TECRL: variants seen among roughly 807,000 people sequenced by gnomAD.
TECRL encodes trans-2,3-enoyl-CoA reductase like, also known as trans-2,3-enoyl-CoA reductase-like.
Under a neutral mutation model 52.8 loss-of-function variants are expected in TECRL, and 63 were observed. That is an observed-to-expected ratio of 1.19 (90% CI 0.97 to 1.47). The LOEUF (loss-of-function observed/expected upper bound fraction) is 1.47, where lower values mean the gene tolerates loss of function less well. Ranked by LOEUF, TECRL falls within the 40% of genes most tolerant of loss-of-function variation. TECRL has a pLI of 0.00. For synonymous variants in TECRL, 164 were observed against 141.9 expected (o/e 1.16, Z -1.10); for missense variants, 482 against 429.6 (o/e 1.12, Z -1.08).
At position 64,280,213 on chromosome 4, in the gene TECRL, G is replaced by T. The variant is rs773008336; in HGVS notation, c.965-14C>A. The T allele has an allele frequency of 7.5e-6, 11 of 1,464,980 alleles. No individual in the cohort carries two copies. The East Asian group carries it at 2.2e-4, about 29-fold the overall frequency. 90.7% of individuals were successfully genotyped at this position (1,464,980 alleles called of 1,614,324 possible). ...TAAAAATTCCAACTAGAAGAAAAAA[G>T]AAATAATTATTATTTCTTTCTTATT... On this transcript the variant is annotated splice_polypyrimidine_tract_variant and intron_variant, in intron 11 of 11. Transcript: ENST00000381210.
At chr4:64,326,288 C>T (rs1560501355) in intron 3 of TECRL, among the ~76,000 whole-genome samples, 1 of 152,026 alleles carries the variant, frequency 6.6e-6, no homozygotes, top group East Asian at 1.9e-4. Flanking sequence ...CCCAGTCCTT[C>T]CAGGACATTA....
intron 2 of TECRL, among the ~76,000 whole-genome samples, chr4:64,374,618 G>A (rs1464459358): frequency 2.6e-5 from 4 of 151,200 alleles, no homozygotes; most frequent in Admixed American, 2.0e-4. Context: ...GTGTCCATGT[G>A]TTCTCATTGT....
intron 2 of TECRL, among the ~76,000 whole-genome samples, chr4:64,343,661 G>T (rs749136960): frequency 3.3e-5 from 5 of 151,766 alleles, no homozygotes; most frequent in African/African-American, 9.7e-5. Context: ...ATCAATTCTG[G>T]TAAATAGAAT....
intron 1 of TECRL, among the ~76,000 whole-genome samples, chr4:64,376,831 G>A (rs1381416380): frequency 6.6e-6 from 1 of 151,948 alleles, no homozygotes; most frequent in Non-Finnish European, 1.5e-5. Flanking sequence ...TGAGGATAAT[G>A]ACCTAGTGTT....
intron 1 of TECRL, among the ~76,000 whole-genome samples, chr4:64,398,243 C>T (rs1196665185): frequency 3.7e-4 from 57 of 152,026 alleles, no homozygotes; most frequent in Admixed American, 3.7e-3. Context: ...TTCTCAGGTG[C>T]GTCTAATGAG....
intron 5 of TECRL, among the ~76,000 whole-genome samples, chr4:64,314,163 A>T (rs1198717955): frequency 1.3e-5 from 2 of 151,570 alleles, no homozygotes; most frequent in Non-Finnish European, 1.5e-5. Flanking sequence ...AAATAATACC[A>T]ATAATAAAAT....
At chr4:64,345,413 A>AGG (rs1338719523) in intron 2 of TECRL, among the ~76,000 whole-genome samples, 4 of 151,930 alleles carry the variant, frequency 2.6e-5, no homozygotes, top group Non-Finnish European at 5.9e-5. Context: ...ACATGGATGA[A>AGG]GCTGGAAACC....
At chr4:64,345,923 A>AAAAAAAAAAAAAAAAAAAC (rs1560516713) in intron 2 of TECRL, among the ~76,000 whole-genome samples, 2 of 145,214 alleles carry the variant, frequency 1.4e-5, no homozygotes, top group South Asian at 2.2e-4. Context: ...AAAAAAAAAA[A>AAAAAAAAAAAAAAAAAAAC]AAAAAAAACA....
chr4:64,398,158 A>G (rs1577993792), intron 1 of TECRL, among the ~76,000 whole-genome samples: 2 of 152,090 alleles, frequency 1.3e-5, no homozygotes, highest in Admixed American at 6.6e-5. Flanking sequence ...TTGAATTTGT[A>G]TCTATGTCCT....
chr4:64,406,158 G>GTA (rs1560566368), intron 1 of TECRL, among the ~76,000 whole-genome samples: 1 of 42,770 alleles, frequency 2.3e-5, no homozygotes, highest in Admixed American at 2.6e-4. Flanking sequence ...GCGCGCGCGC[G>GTA]CGCGCGCGTG....
At chr4:64,376,473 A>G (rs1722405181) in intron 1 of TECRL, among the ~76,000 whole-genome samples, 1 of 151,926 alleles carries the variant, frequency 6.6e-6, no homozygotes, top group African/African-American at 2.4e-5. Flanking sequence ...AGTAATATAT[A>G]TTTATATACT....
At chr4:64,309,521 T>C (rs563252219) in intron 6 of TECRL, among the ~76,000 whole-genome samples, 1 of 152,262 alleles carries the variant, frequency 6.6e-6, no homozygotes, top group Admixed American at 6.5e-5. Context: ...TATATCATAT[T>C]CTGCTCTTCA....
intron 7 of TECRL, among the ~76,000 whole-genome samples, chr4:64,303,501 T>A (rs1724138687): frequency 6.6e-6 from 1 of 151,776 alleles, no homozygotes; most frequent in Admixed American, 6.6e-5. Context: ...AGTTTACTGT[T>A]ATCTGTATCT....
intron 5 of TECRL, among the ~76,000 whole-genome samples, chr4:64,313,452 A>G (rs1303371867): frequency 6.7e-6 from 1 of 149,964 alleles, no homozygotes; most frequent in East Asian, 2.0e-4. Context: ...AATTATATAG[A>G]ATACTTTGTT....
chr4:64,365,997 T>C (rs1721575065), intron 2 of TECRL, among the ~76,000 whole-genome samples: 1 of 151,758 alleles, frequency 6.6e-6, no homozygotes, highest in Admixed American at 6.6e-5. Context: ...TACAAGGCAA[T>C]AGTAATCAAA....
Position 64,363,013 on chromosome 4 carries a change from T to TA in TECRL, c.286+12158dup, listed in dbSNP as rs151006256. Among the ~76,000 whole-genome samples the TA allele has an allele frequency of 7.7e-3, 1,096 of 141,636 alleles. 12 individuals carry two copies. Among genetic ancestry groups the TA allele is most frequent in the African/African-American group, 0.026 (997 of 38,724 alleles). 92.9% of individuals were successfully genotyped at this position (141,636 alleles called of 152,430 possible). A position where few individuals can be genotyped will look rare whatever the true frequency, so the allele number is the denominator to read the frequency against. Reference sequence around the variant, plus strand: ...AATGGAGACAGATATATCAGGCACATAAAAAAAAAAAAAGAAGTGGTTGCT... The same window carrying TA: ...AATGGAGACAGATATATCAGGCACATAAAAAAAAAAAAAAGAAGTGGTTGCT... On this transcript the variant is annotated intron_variant, in intron 2 of 11. Coordinates refer to ENST00000381210, the MANE Select transcript of TECRL (RefSeq NM_001010874.5).
At chr4:64,342,636 G>T (rs1047119082) in intron 2 of TECRL, among the ~76,000 whole-genome samples, 17 of 151,962 alleles carry the variant, frequency 1.1e-4, no homozygotes, top group African/African-American at 3.9e-4. Flanking sequence ...TCAGGTAAAT[G>T]ATTTCCATGA....
intron 1 of TECRL, among the ~76,000 whole-genome samples, chr4:64,402,266 AT>A (rs1305334493): frequency 2.6e-5 from 4 of 151,922 alleles, no homozygotes; most frequent in South Asian, 2.1e-4. Flanking sequence ...GAGTAAAGTA[AT>A]TTTTTTTAAA....
At chr4:64,303,407 C>T (rs1359964747) in intron 7 of TECRL, among the ~76,000 whole-genome samples, 1 of 151,656 alleles carries the variant, frequency 6.6e-6, no homozygotes, top group Non-Finnish European at 1.5e-5. Flanking sequence ...ATGATATGCT[C>T]ATTTTTGTGA....
Sources: allele counts gnomAD v4.1 joint callset (sites outside exome capture counted in the v4.1 genomes callset), GRCh38; gene constraint gnomAD v4.1.1; transcripts MANE v1.5; gene names NCBI Gene and HGNC (gene_info 2026-07-23, HGNC 2026-07-21).